CUX1: variants seen among roughly 807,000 people sequenced by gnomAD.
CUX1 encodes the protein cut like homeobox 1.
CUX1 carries 31 observed loss-of-function variants against 158.8 expected under a neutral mutation model. The observed-to-expected ratio is 0.20, with a 90% CI of 0.15 to 0.26. The LOEUF is 0.26. CUX1 is among the 10% of genes least tolerant of loss of function. The pLI is 1.00. For synonymous variants in CUX1, 879 were observed against 862.1 expected (o/e 1.02, Z -0.34); for missense variants, 1,589 against 2,014.6 (o/e 0.79, Z 4.04).
intron 3 of CUX1, among the ~76,000 whole-genome samples, chr7:102,040,978 T>A (rs903069230): frequency 3.9e-5 from 6 of 152,078 alleles, no homozygotes; most frequent in African/African-American, 1.4e-4. Context: ...TCTCCAGCAA[T>A]GTAAATCTGT....
chr7:101,894,460 A>G (rs1801243584), intron 1 of CUX1, among the ~76,000 whole-genome samples: 1 of 151,896 alleles, frequency 6.6e-6, no homozygotes, highest in South Asian at 2.1e-4. Context: ...ACAGGCGCCC[A>G]CCACCACACT....
At chr7:102,281,581 T>C (rs1554549244) in intron 20 of CUX1, among the ~76,000 whole-genome samples, 1 of 152,026 alleles carries the variant, frequency 6.6e-6, no homozygotes, top group African/African-American at 2.4e-5. Flanking sequence ...GAGAATCACT[T>C]GAACCCAGGA....
intron 2 of CUX1, among the ~76,000 whole-genome samples, chr7:101,984,077 C>CAAAAAAAAAAAAAA (rs1181549351): frequency 5.4e-4 from 9 of 16,754 alleles, no homozygotes; most frequent in African/African-American, 6.2e-4. Context: ...TGTCCCCCCC[C>CAAAAAAAAAAAAAA]AAAAAAAAAA....
chr7:102,056,819 T>C (rs181553537), intron 3 of CUX1, among the ~76,000 whole-genome samples: 521 of 151,334 alleles, frequency 3.4e-3, no homozygotes, highest in Non-Finnish European at 5.9e-3. Context: ...TCCGCCTGCC[T>C]CAGCCTCCCA....
chr7:102,042,801 AT>A (rs1395155793), intron 3 of CUX1, among the ~76,000 whole-genome samples: 2 of 151,816 alleles, frequency 1.3e-5, no homozygotes, highest in Non-Finnish European at 2.9e-5. Flanking sequence ...TGGGGTTTTT[AT>A]TTTTTGAGAC....
intron 11 of CUX1, among the ~76,000 whole-genome samples, chr7:102,184,626 T>C (rs1793454256): frequency 1.3e-5 from 2 of 152,128 alleles, no homozygotes; most frequent in South Asian, 2.1e-4. Flanking sequence ...CCCACGTGTG[T>C]TCCTTAGATT....
chr7:102,171,822 G>A (rs1765014550), intron 10 of CUX1, among the ~76,000 whole-genome samples: 1 of 152,182 alleles, frequency 6.6e-6, no homozygotes, highest in Non-Finnish European at 1.5e-5. Flanking sequence ...GTGTAAAATA[G>A]GAATTAAGTG....
chr7:102,247,336 A>G (rs73412046), intron 23 of CUX1, among the ~76,000 whole-genome samples: 13,168 of 152,266 alleles, frequency 0.086, 758 homozygotes, highest in African/African-American at 0.15. Flanking sequence ...CCACTATCCA[A>G]TAATTGGTCC....
rs1294179101 is a variant in CUX1 at position 102,251,585 on chromosome 7, A to G, written c.*2543A>G. 1.0e-6 allele frequency: 1 copy of G among 985,296 alleles called. No homozygotes were observed. Among genetic ancestry groups the G allele is most frequent in the Non-Finnish European group, 1.2e-6 (1 of 829,946 alleles). 61.0% of individuals were successfully genotyped at this position (985,296 alleles called of 1,614,324 possible). Reference sequence around the variant, plus strand: ...ATCCAGTTCAGGGAGAAGAGAATTCAAAATTAGAGGAGCTTAAGGGGACAC... The same window carrying G: ...ATCCAGTTCAGGGAGAAGAGAATTCGAAATTAGAGGAGCTTAAGGGGACAC... On this transcript the variant is annotated 3_prime_UTR_variant, in exon 24 of 24. Transcript: ENST00000292535.
chr7:102,044,406 T>G (rs1171418449), intron 3 of CUX1, among the ~76,000 whole-genome samples: 2 of 151,032 alleles, frequency 1.3e-5, no homozygotes, highest in East Asian at 2.0e-4. Flanking sequence ...TCCAGGCTGG[T>G]CTCGAACTCC....
At chr7:102,226,256 C>T (rs1226370756) in intron 20 of CUX1, among the ~76,000 whole-genome samples, 2 of 152,242 alleles carry the variant, frequency 1.3e-5, no homozygotes, top group African/African-American at 4.8e-5. Context: ...CTGTTGGTTA[C>T]AGCATGGCTT....
chr7:101,851,829 C>CTTTT (rs59542926), intron 1 of CUX1, among the ~76,000 whole-genome samples: 4 of 144,838 alleles, frequency 2.8e-5, no homozygotes, highest in African/African-American at 2.5e-5. Context: ...TTTCTTCTCT[C>CTTTT]TTTTTTTTTT....
chr7:102,184,165 T>G (rs931511726), intron 11 of CUX1, among the ~76,000 whole-genome samples: 15 of 152,204 alleles, frequency 9.9e-5, no homozygotes, highest in African/African-American at 3.6e-4. Context: ...CCCCTAGTGC[T>G]GGGGTTACAG....
Position 102,252,410 on chromosome 7 carries a change from T to C in CUX1, c.*3368T>C. ...CGACCCCCTTCCTCTTCACGCTCTATGAGTTTAAAAAGCTGATTTGTACCT... is the reference window on the plus strand; with the variant it reads ...CGACCCCCTTCCTCTTCACGCTCTACGAGTTTAAAAAGCTGATTTGTACCT... On this transcript the variant is annotated 3_prime_UTR_variant, in exon 24 of 24. Coordinates refer to ENST00000292535, the MANE Select transcript of CUX1 (RefSeq NM_181552.4). 6.1e-6 allele frequency: 6 copies of C among 985,500 alleles called. No individual in the cohort carries two copies. The highest frequency in any genetic ancestry group is 7.2e-6 in the Non-Finnish European group (6 of 829,960). The allele number at this position is 985,500 out of a possible 1,614,324, so 61.0% of individuals were successfully genotyped here.
chr7:101,948,153 T>C (rs1808618585), intron 2 of CUX1, among the ~76,000 whole-genome samples: 1 of 152,220 alleles, frequency 6.6e-6, no homozygotes, highest in Admixed American at 6.5e-5. Context: ...ACATTGTCAG[T>C]AATGCCCACT....
At chr7:102,123,988 A>T (rs973760033) in intron 8 of CUX1, among the ~76,000 whole-genome samples, 3 of 152,148 alleles carry the variant, frequency 2.0e-5, no homozygotes, top group African/African-American at 7.2e-5. Flanking sequence ...TTCATCCAGC[A>T]TCCTTTGAGA....
At chr7:102,034,523 G>A (rs1821186898) in intron 3 of CUX1, among the ~76,000 whole-genome samples, 2 of 152,016 alleles carry the variant, frequency 1.3e-5, no homozygotes, top group Admixed American at 1.3e-4. Context: ...GGGAGGCCGA[G>A]GTGGGCGGAT....
intron 2 of CUX1, among the ~76,000 whole-genome samples, chr7:101,933,546 A>G (rs1212685762): frequency 6.6e-6 from 1 of 152,052 alleles, no homozygotes. Context: ...TTTTTTTCAA[A>G]ATTAGAACTG....
chr7:102,234,098 T>C lies in CUX1; in HGVS notation c.3480T>C (p.Ser1160=). Residue 1160 remains serine (S), a synonymous_variant, in exon 22 of 24, where the codon TCT becomes TCC. Transcript: ENST00000292535. ...CCATCTTAGGGCTCACCCAAGGCTC[T>C]GTCTCTGACCTCCTTGCCCGCCCCA... ...GETILGLTQG[S]VSDLLARPKP... 1 of 1,590,516 alleles carries C rather than the reference T, an allele frequency of 6.3e-7. No homozygotes were observed. Among genetic ancestry groups the C allele is most frequent in the Non-Finnish European group, 8.5e-7 (1 of 1,169,836 alleles).
Sources: allele counts gnomAD v4.1 joint callset (sites outside exome capture counted in the v4.1 genomes callset), GRCh38; gene constraint gnomAD v4.1.1; transcripts MANE v1.5; gene names NCBI Gene and HGNC (gene_info 2026-07-23, HGNC 2026-07-21).